Variants in DOCK10 observed in about 807,000 individuals in gnomAD.
DOCK10 encodes the protein dedicator of cytokinesis 10, also known as dedicator of cytokinesis protein 10.
Under a neutral mutation model 280.1 loss-of-function variants are expected in DOCK10, and 145 were observed. That is an observed-to-expected ratio of 0.52 (90% confidence interval 0.45 to 0.59). The LOEUF (loss-of-function observed/expected upper bound fraction) is 0.59. Among genes scored for constraint, DOCK10 ranks in the 20% least tolerant of loss-of-function variants. DOCK10 has a pLI of 0.00. For synonymous variants in DOCK10, 915 were observed against 942.2 expected (o/e 0.97, Z 0.53); for missense variants, 2,368 against 2,651.7 (o/e 0.89, Z 2.35).
rs904983781 is a variant in DOCK10 at position 224,957,499 on chromosome 2, A to G, written c.124-25831T>C. Among the ~76,000 whole-genome samples the G allele has an allele frequency of 5.3e-5, 8 of 151,950 alleles. No homozygotes were observed. In the East Asian group the frequency reaches 5.8e-4, roughly 11 times the overall value. ...AGGTGGGGTCTTGCTATGTTGCCCAATCTAGTCTAGAACTCCTGGTTTCAA... is the reference window on the plus strand; with the variant it reads ...AGGTGGGGTCTTGCTATGTTGCCCAGTCTAGTCTAGAACTCCTGGTTTCAA... On this transcript the variant is annotated intron_variant, in intron 1 of 55. Transcript: ENST00000258390.
intron 1 of DOCK10, among the ~76,000 whole-genome samples, chr2:224,971,554 A>G (rs2126210390): frequency 6.6e-6 from 1 of 152,330 alleles, no homozygotes; most frequent in East Asian, 1.9e-4. Context: ...TCATAGTTCA[A>G]TGCAGCCACC....
chr2:224,865,298 CTCT>C (rs777017186), intron 11 of DOCK10, among the ~76,000 whole-genome samples: 95 of 152,174 alleles, frequency 6.2e-4, no homozygotes, highest in African/African-American at 8.4e-4. Flanking sequence ...GCCAAGAACT[CTCT>C]TCTTATGTTG....
At chr2:224,826,598 T>C (rs1694870327) in intron 27 of DOCK10, among the ~76,000 whole-genome samples, 1 of 151,944 alleles carries the variant, frequency 6.6e-6, no homozygotes, top group African/African-American at 2.4e-5. Context: ...TGTCAAATGA[T>C]AATATCAGGG....
rs780172663 is a variant in DOCK10, at chr2:224,797,878, G to T, written c.4598C>A (p.Thr1533Lys). The change falls in exon 42 of 56, where the codon ACA (threonine) becomes AAA (lysine). Residue 1533 changes from threonine (T) to lysine (K), a missense_variant. Around this residue, in one of 2 missense-constraint regions of DOCK10, gnomAD observed 1,159 missense variants for 1,400.8 expected, o/e 0.83. Transcript: ENST00000258390. Reference sequence around the variant, plus strand: ...GGAGGCAAACACATGCTTCAGCGCTGTGGCTGACTGATTGACTTGGAAAAA... The same window carrying T: ...GGAGGCAAACACATGCTTCAGCGCTTTGGCTGACTGATTGACTTGGAAAAA... ...MLFFQVNQSA[T>K]ALKHVFASLR... 1 of 1,613,882 alleles carries T rather than the reference G, an allele frequency of 6.2e-7. No homozygotes were observed. Among genetic ancestry groups the T allele is most frequent in the Non-Finnish European group, 8.5e-7 (1 of 1,179,806 alleles).
intron 1 of DOCK10, among the ~76,000 whole-genome samples, chr2:224,967,692 T>C (rs56230509): frequency 0.32 from 48,508 of 151,602 alleles, 8,205 homozygotes; most frequent in Middle Eastern, 0.41. Flanking sequence ...GACCTTCTCT[T>C]AATGAGTCAG....
Position 224,765,415 on chromosome 2 carries a change from G to T in DOCK10, c.*306C>A. ...ACATTCACTTTAACCTTTAAAATAT[G>T]TGTACTAGGACTGGGGTACTGACCA... is the stretch of plus-strand genomic sequence containing the variant. On this transcript the variant is annotated 3_prime_UTR_variant, in exon 56 of 56. Coordinates refer to ENST00000258390, the MANE Select transcript of DOCK10 (RefSeq NM_014689.3). 4.7e-6 allele frequency: 1 copy of T among 214,060 alleles called. No individual in the cohort carries two copies. Among genetic ancestry groups the T allele is most frequent in the Non-Finnish European group, 9.2e-6 (1 of 108,774 alleles). 13.3% of individuals were successfully genotyped at this position (214,060 alleles called of 1,614,324 possible).
In DOCK10 at chr2:224,886,124, T is replaced by G; in HGVS notation, c.551A>C (p.Lys184Thr). The G allele has an allele frequency of 6.2e-7, 1 of 1,613,874 alleles. No individual in the cohort carries two copies. The highest frequency in any genetic ancestry group is 8.5e-7 in the Non-Finnish European group (1 of 1,179,876). ...GGGAGGTGVFKSGWLYKGNFN... is the reference protein window; with the variant it reads ...GGGAGGTGVFTSGWLYKGNFN... Reference sequence around the variant, plus strand: ...ATTCCCCTTGTAGAGCCAGCCGGACTTGAAAACACCAGTTCCTCCCGCTCC... The same window carrying G: ...ATTCCCCTTGTAGAGCCAGCCGGACGTGAAAACACCAGTTCCTCCCGCTCC... Residue 184 changes from lysine to threonine, a missense_variant, in exon 6 of 56, where the codon AAG (lysine) becomes ACG (threonine). Lys to Thr is a moderately conservative substitution (Grantham distance 78). This residue lies in a region of DOCK10 where 1,209 missense variants were observed against 1,250.9 expected (regional missense o/e 0.97). Transcript: ENST00000258390.
intron 51 of DOCK10, among the ~76,000 whole-genome samples, chr2:224,775,536 C>A (rs556244422): frequency 1.1e-3 from 169 of 152,104 alleles, no homozygotes; most frequent in African/African-American, 3.9e-3. Context: ...AGTGCAGTGG[C>A]ACGATCTCGG....
intron 25 of DOCK10, among the ~76,000 whole-genome samples, chr2:224,836,914 A>G (rs1695627860): frequency 6.6e-6 from 1 of 151,760 alleles, no homozygotes; most frequent in African/African-American, 2.4e-5. Context: ...TTTTTTTAAC[A>G]AGTTTCTAGA....
chr2:224,929,261 G>T (rs907911507), intron 2 of DOCK10, among the ~76,000 whole-genome samples: 6 of 152,174 alleles, frequency 3.9e-5, no homozygotes, highest in Non-Finnish European at 8.8e-5. Context: ...CCACCAAAAG[G>T]TAAGCTCCCT....
chr2:225,007,344 A>G (rs1041794535), intron 1 of DOCK10, among the ~76,000 whole-genome samples: 7 of 152,234 alleles, frequency 4.6e-5, no homozygotes, highest in African/African-American at 1.7e-4. Context: ...AGATGCATGC[A>G]TAAATAAAAC....
chr2:224,842,141 C>A (rs918214020), intron 22 of DOCK10, among the ~76,000 whole-genome samples: 1 of 152,190 alleles, frequency 6.6e-6, no homozygotes, highest in African/African-American at 2.4e-5. Context: ...TTCTATTCAA[C>A]CACATGACAA....
chr2:224,826,677 C>T (rs1694875706), intron 27 of DOCK10, among the ~76,000 whole-genome samples: 1 of 151,598 alleles, frequency 6.6e-6, no homozygotes, highest in Non-Finnish European at 1.5e-5. Flanking sequence ...TCACTTGAGC[C>T]CAAGAGTTCG....
chr2:224,885,984 C>A, intron 6 of DOCK10, 79 bp downstream of exon 6: 1 of 1,581,822 alleles, frequency 6.3e-7, no homozygotes, highest in Non-Finnish European at 8.6e-7. Context: ...ATGCAAATGG[C>A]TCTCTTCTGT....
chr2:224,936,789 A>G (rs1338384190), intron 1 of DOCK10, among the ~76,000 whole-genome samples: 1 of 152,140 alleles, frequency 6.6e-6, no homozygotes, highest in Non-Finnish European at 1.5e-5. Flanking sequence ...AATTTCTACA[A>G]TGAACATGTA....
Position 224,805,238 on chromosome 2 carries a change from C to G in DOCK10, c.4019G>C (p.Cys1340Ser), listed in dbSNP as rs777467333. 12 of 1,612,382 alleles carry G rather than the reference C, an allele frequency of 7.4e-6. No homozygotes were observed. In the South Asian group the frequency reaches 1.2e-4, roughly 16 times the overall value. Reference protein sequence around the residue: ...DQAETRSLLMCFLHIMKTISY... With the variant: ...DQAETRSLLMSFLHIMKTISY... ...AATCGTTTTCATAATGTGAAGAAAACACATCAGGAGACTCCTGGTTTCTGC... is the reference window on the plus strand; with the variant it reads ...AATCGTTTTCATAATGTGAAGAAAAGACATCAGGAGACTCCTGGTTTCTGC... The change falls in exon 36 of 56, where the codon TGT becomes TCT. Residue 1340 changes from cysteine (C) to serine (S), a missense_variant. By Grantham distance (112) the Cys-to-Ser change is moderately radical. This residue lies in a region of DOCK10 where 1,159 missense variants were observed against 1,400.8 expected (regional missense o/e 0.83). Transcript: ENST00000258390. This position sits in a 1 kb window ranked among gnomAD's most constrained non-coding sequence, Gnocchi z 4.3.
In DOCK10 at chr2:224,802,047, AC is replaced by A; in HGVS notation, c.4269-8del. 6.2e-7 allele frequency: 1 copy of A among 1,610,702 alleles called. No individual in the cohort carries two copies. The highest frequency in any genetic ancestry group is 8.5e-7 in the Non-Finnish European group (1 of 1,178,600). On this transcript the variant is annotated splice_polypyrimidine_tract_variant and splice_region_variant and intron_variant, in intron 39 of 55. Transcript: ENST00000258390. ...ACTGGAAGTGGAGTGCATCCTGAAAACAAAAAAAGAAAAGTGGTTAGAGTTA... is the reference window on the plus strand; with the variant it reads ...ACTGGAAGTGGAGTGCATCCTGAAAAAAAAAAAGAAAAGTGGTTAGAGTTA...
At chr2:225,034,011 A>G (rs1404353671) in intron 1 of DOCK10, among the ~76,000 whole-genome samples, 1 of 152,232 alleles carries the variant, frequency 6.6e-6, no homozygotes, top group East Asian at 1.9e-4. Context: ...GTCACTCCCA[A>G]TATCCCAGGT....
At chr2:224,905,463 A>G (rs1364712993) in intron 3 of DOCK10, among the ~76,000 whole-genome samples, 2 of 151,340 alleles carry the variant, frequency 1.3e-5, no homozygotes, top group Non-Finnish European at 2.9e-5. Context: ...GTTAGCCAGG[A>G]TGGTCTCGAT....
Sources: allele counts gnomAD v4.1 joint callset (sites outside exome capture counted in the v4.1 genomes callset), GRCh38; gene constraint gnomAD v4.1.1; regional missense constraint gnomAD v4.1.1; non-coding constraint Gnocchi (gnomAD v3.1); transcripts MANE v1.5; gene names NCBI Gene and HGNC (gene_info 2026-07-23, HGNC 2026-07-21).